Variants in HS6ST3 observed in about 807,000 individuals in gnomAD.
HS6ST3 encodes the protein heparan-sulfate 6-O-sulfotransferase 3.
HS6ST3 carries 12 observed loss-of-function variants against 36.7 expected under a neutral mutation model. That is an observed-to-expected ratio of 0.33 (90% CI 0.21 to 0.53). The LOEUF is 0.53. HS6ST3 is among the 20% of genes least tolerant of loss of function. The probability of loss-of-function intolerance (pLI) is 0.95; values close to 1 mark genes in which losing one functional copy is unlikely to be tolerated. For missense variants in HS6ST3, 584 were observed against 640.9 expected (o/e 0.91, Z 0.96); for synonymous variants, 240 against 257.5 (o/e 0.93, Z 0.65).
At chr13:96,386,716 A>G (rs1352766935) in intron 1 of HS6ST3, among the ~76,000 whole-genome samples, 1 of 152,038 alleles carries the variant, frequency 6.6e-6, no homozygotes, top group Non-Finnish European at 1.5e-5. Flanking sequence ...AATACAAAAA[A>G]TTAGCTGGGT....
chr13:96,292,079 AT>A (rs1352883895), intron 1 of HS6ST3, among the ~76,000 whole-genome samples: 21 of 152,152 alleles, frequency 1.4e-4, no homozygotes, highest in Admixed American at 1.4e-3. Context: ...ATATGTTATA[AT>A]TCCCATATCA....
intron 1 of HS6ST3, among the ~76,000 whole-genome samples, chr13:96,590,943 G>A (rs528619925): frequency 5.3e-5 from 8 of 152,162 alleles, no homozygotes; most frequent in Non-Finnish European, 7.4e-5. Flanking sequence ...TTATTGAAGA[G>A]ACTGTCTTTT....
chr13:96,207,589 CAAT>C (rs1282148369), intron 1 of HS6ST3, among the ~76,000 whole-genome samples: 9 of 152,018 alleles, frequency 5.9e-5, no homozygotes, highest in Non-Finnish European at 2.9e-5. Context: ...AAATGCCCAT[CAAT>C]AATAGACTGG....
intron 1 of HS6ST3, among the ~76,000 whole-genome samples, chr13:96,678,029 T>C (rs1294992832): frequency 6.6e-6 from 1 of 152,128 alleles, no homozygotes; most frequent in Non-Finnish European, 1.5e-5. Flanking sequence ...GACTCATGAT[T>C]CTAGAGGCTG....
chr13:96,718,535 T>C (rs937056460), intron 1 of HS6ST3, among the ~76,000 whole-genome samples: 1 of 152,190 alleles, frequency 6.6e-6, no homozygotes, highest in African/African-American at 2.4e-5. Context: ...CAATTTCTAA[T>C]TTAGGGATCC....
intron 1 of HS6ST3, among the ~76,000 whole-genome samples, chr13:96,556,630 C>T (rs1481820720): frequency 6.6e-6 from 1 of 152,050 alleles, no homozygotes; most frequent in Non-Finnish European, 1.5e-5. Flanking sequence ...TACTTTTGAG[C>T]TGATTAGGAA....
chr13:96,768,734 C>T (rs945692877), intron 1 of HS6ST3, among the ~76,000 whole-genome samples: 1 of 151,852 alleles, frequency 6.6e-6, no homozygotes, highest in Admixed American at 6.6e-5. Context: ...CCATCGATCC[C>T]GTGAGTCATT....
At chr13:96,109,837 AT>A (rs1199080020) in intron 1 of HS6ST3, among the ~76,000 whole-genome samples, 1 of 152,202 alleles carries the variant, frequency 6.6e-6, no homozygotes, top group East Asian at 1.9e-4. Context: ...GTGAACCACT[AT>A]CTAAGTTATG....
chr13:96,709,593 G>A (rs974827917), intron 1 of HS6ST3, among the ~76,000 whole-genome samples: 1 of 152,158 alleles, frequency 6.6e-6, no homozygotes, highest in Non-Finnish European at 1.5e-5. Flanking sequence ...ACAAGAGAGA[G>A]ATGATTTCTC....
At chr13:96,512,630 C>T (rs1046458001) in intron 1 of HS6ST3, among the ~76,000 whole-genome samples, 4 of 152,070 alleles carry the variant, frequency 2.6e-5, no homozygotes, top group African/African-American at 9.7e-5. Flanking sequence ...TAACTTGCTA[C>T]ACATTTATCA....
intron 1 of HS6ST3, among the ~76,000 whole-genome samples, chr13:96,703,493 G>A (rs954873803): frequency 6.6e-6 from 1 of 152,182 alleles, no homozygotes; most frequent in Non-Finnish European, 1.5e-5. Flanking sequence ...CTTGGTTTTT[G>A]TGCAGCATAA....
chr13:96,727,193 C>T (rs547628993), intron 1 of HS6ST3, among the ~76,000 whole-genome samples: 1 of 152,236 alleles, frequency 6.6e-6, no homozygotes, highest in East Asian at 1.9e-4. Context: ...TACCTTCAAG[C>T]ATAAAAGATC....
At chr13:96,485,201 A>G (rs1039410587) in intron 1 of HS6ST3, among the ~76,000 whole-genome samples, 2 of 152,110 alleles carry the variant, frequency 1.3e-5, no homozygotes, top group African/African-American at 4.8e-5. Context: ...TATAATATTG[A>G]GTCTTCCTAT....
At chr13:96,198,894 T>G (rs1181288274) in intron 1 of HS6ST3, among the ~76,000 whole-genome samples, 1 of 152,192 alleles carries the variant, frequency 6.6e-6, no homozygotes, top group Non-Finnish European at 1.5e-5. Context: ...TGCCCCACTC[T>G]CCTGGTACCA....
intron 1 of HS6ST3, among the ~76,000 whole-genome samples, chr13:96,725,206 T>C (rs1042394253): frequency 3.3e-5 from 5 of 152,216 alleles, no homozygotes; most frequent in Non-Finnish European, 5.9e-5. Flanking sequence ...GTTTTGTCTA[T>C]TTTTATTGTT....
intron 1 of HS6ST3, among the ~76,000 whole-genome samples, chr13:96,179,595 C>T (rs554938505): frequency 2.0e-5 from 3 of 152,270 alleles, no homozygotes; most frequent in East Asian, 1.9e-4. Context: ...AGATCATTCA[C>T]GGCCTCTTCT....
At chr13:96,604,693 C>T (rs1162254937) in intron 1 of HS6ST3, among the ~76,000 whole-genome samples, 1 of 152,126 alleles carries the variant, frequency 6.6e-6, no homozygotes, top group Non-Finnish European at 1.5e-5. Context: ...GAATCTAAAA[C>T]AAGTTGAGCA....
chr13:96,453,371 A>G (rs569476468), intron 1 of HS6ST3, among the ~76,000 whole-genome samples: 2 of 152,200 alleles, frequency 1.3e-5, no homozygotes, highest in Admixed American at 6.5e-5. Flanking sequence ...TCCAATGGCT[A>G]TTATTCCACT....
intron 1 of HS6ST3, among the ~76,000 whole-genome samples, chr13:96,697,785 C>A (rs890310723): frequency 2.0e-5 from 3 of 152,086 alleles, no homozygotes; most frequent in Non-Finnish European, 4.4e-5. Context: ...ATAAGTTAAA[C>A]CCTGTATATC....
Sources: gnomAD v4.1 joint callset for allele counts (sites outside exome capture counted in the v4.1 genomes callset) on GRCh38, gnomAD v4.1.1 for gene constraint, MANE v1.5 for transcripts, NCBI Gene and HGNC (gene_info 2026-07-23, HGNC 2026-07-21) for gene names.